Variants in DCC observed in about 807,000 individuals in gnomAD.
The protein encoded by DCC is DCC netrin 1 receptor.
Under a neutral mutation model 172.5 loss-of-function variants are expected in DCC, and 58 were observed. That is an observed-to-expected ratio of 0.34 (90% CI 0.27 to 0.42). The LOEUF is 0.42. DCC is among the 10% of genes least tolerant of loss of function. The pLI is 1.00. For missense variants in DCC, 1,740 were observed against 1,791.0 expected, an observed-to-expected ratio of 0.97 and a Z score of 0.51; for synonymous variants, 709 against 644.5, an observed-to-expected ratio of 1.10 and a Z score of -1.52.
chr18:53,208,895 T>A (rs1216327601), intron 11 of DCC, among the ~76,000 whole-genome samples: 1 of 152,062 alleles, frequency 6.6e-6, no homozygotes, highest in Admixed American at 6.5e-5. Flanking sequence ...CACCCCTGGC[T>A]AGTTTTTGTA....
At chr18:53,195,305 C>T (rs2055427117) in intron 9 of DCC, among the ~76,000 whole-genome samples, 1 of 152,146 alleles carries the variant, frequency 6.6e-6, no homozygotes, top group African/African-American at 2.4e-5. Context: ...TCTGTGAATA[C>T]TTGTACCTAA....
intron 1 of DCC, among the ~76,000 whole-genome samples, chr18:52,549,716 T>C (rs2032711959): frequency 6.6e-6 from 1 of 152,122 alleles, no homozygotes; most frequent in South Asian, 2.1e-4. Flanking sequence ...ACACAGAGTT[T>C]CATCTTTTGC....
At chr18:53,480,339 C>A (rs989351200) in intron 25 of DCC, among the ~76,000 whole-genome samples, 5 of 152,128 alleles carry the variant, frequency 3.3e-5, no homozygotes, top group African/African-American at 1.2e-4. Flanking sequence ...GTGTATAAAC[C>A]ACATTAAAAT....
intron 5 of DCC, among the ~76,000 whole-genome samples, chr18:52,948,165 T>C (rs2040578740): frequency 6.6e-6 from 1 of 152,198 alleles, no homozygotes; most frequent in African/African-American, 2.4e-5. Context: ...AGTGTGCTGT[T>C]CCATGTGATA....
intron 1 of DCC, among the ~76,000 whole-genome samples, chr18:52,503,662 C>A (rs990257417): frequency 6.6e-6 from 1 of 152,112 alleles, no homozygotes; most frequent in African/African-American, 2.4e-5. Context: ...ATGGTAACAT[C>A]TTCTGAGGTG....
rs143599767 is a variant in DCC, at chr18:52,993,471, T to C, written c.985+68101T>C. Among the ~76,000 whole-genome samples, 306 of 152,300 alleles carry C rather than the reference T, an allele frequency of 2.0e-3. 8 individuals carry two copies. The highest frequency in any genetic ancestry group is 7.0e-3 in the African/African-American group (292 of 41,574). On this transcript the variant is annotated intron_variant, in intron 5 of 28. Transcript: ENST00000442544. The stretch of plus-strand genomic sequence containing the variant: ...CCACACTGGTCACCTCTAATATTAA[T>C]GGAATGTCTGTTACCATGAACATTT...
intron 20 of DCC, among the ~76,000 whole-genome samples, chr18:53,411,273 G>A (rs1217607233): frequency 6.6e-6 from 1 of 152,098 alleles, no homozygotes; most frequent in East Asian, 1.9e-4. Context: ...GGGGACAAAT[G>A]GTTTGAAGAG....
At chr18:53,234,153 G>A (rs2056164978) in intron 12 of DCC, among the ~76,000 whole-genome samples, 1 of 152,196 alleles carries the variant, frequency 6.6e-6, no homozygotes, top group African/African-American at 2.4e-5. Flanking sequence ...TGGAGGCTGA[G>A]GCAGGAGAAT....
chr18:53,292,103 T>C (rs1568035013), intron 12 of DCC, among the ~76,000 whole-genome samples: 2 of 128,582 alleles, frequency 1.6e-5, no homozygotes. Flanking sequence ...CTTTTTATTC[T>C]TTGAGCTCCA....
chr18:53,201,456 C>T (rs1207385701), intron 9 of DCC, among the ~76,000 whole-genome samples: 1 of 152,168 alleles, frequency 6.6e-6, no homozygotes, highest in African/African-American at 2.4e-5. Flanking sequence ...GTCATTCAGT[C>T]TCAATGTTCT....
At chr18:52,478,693 A>C (rs1473774977) in intron 1 of DCC, among the ~76,000 whole-genome samples, 1 of 152,218 alleles carries the variant, frequency 6.6e-6, no homozygotes, top group Non-Finnish European at 1.5e-5. Context: ...TAACATAGCC[A>C]CAGCAGGAGC....
chr18:52,351,226 T>A (rs746281149), intron 1 of DCC, among the ~76,000 whole-genome samples: 14 of 152,128 alleles, frequency 9.2e-5, no homozygotes, highest in Non-Finnish European at 2.1e-4. Flanking sequence ...CCAAGATCAG[T>A]GTACCCAGGA....
chr18:52,654,987 A>G (rs117533431), intron 1 of DCC, among the ~76,000 whole-genome samples: 4,611 of 152,324 alleles, frequency 0.03, 96 homozygotes, highest in Non-Finnish European at 0.043. Context: ...TACTACAAAA[A>G]TAAATTTGCC....
chr18:53,052,173 C>G (rs1293682106), intron 5 of DCC, among the ~76,000 whole-genome samples: 1 of 151,816 alleles, frequency 6.6e-6, no homozygotes, highest in African/African-American at 2.4e-5. Context: ...TTGTTTTGGT[C>G]CTTGATTCAT....
chr18:52,749,068 C>A (rs534732565), intron 1 of DCC, among the ~76,000 whole-genome samples: 3 of 151,990 alleles, frequency 2.0e-5, no homozygotes, highest in African/African-American at 7.3e-5. Flanking sequence ...GGTGTGGTGG[C>A]GCATGCCTGT....
intron 1 of DCC, among the ~76,000 whole-genome samples, chr18:52,721,537 A>G (rs1369567526): frequency 1.3e-5 from 2 of 152,184 alleles, no homozygotes; most frequent in Non-Finnish European, 2.9e-5. Context: ...CTCCTAGATA[A>G]TATCTTACCT....
chr18:52,731,427 G>A (rs541261580), intron 1 of DCC, among the ~76,000 whole-genome samples: 1 of 152,344 alleles, frequency 6.6e-6, no homozygotes, highest in East Asian at 1.9e-4. Flanking sequence ...AGGTGGTGTA[G>A]TTAATGGTTA....
chr18:53,208,853 C>A (rs2055700815), intron 11 of DCC, among the ~76,000 whole-genome samples: 1 of 152,172 alleles, frequency 6.6e-6, no homozygotes, highest in Non-Finnish European at 1.5e-5. Context: ...CCCCCAGCCT[C>A]CTGAGTACCT....
intron 1 of DCC, among the ~76,000 whole-genome samples, chr18:52,482,974 C>A (rs760525473): frequency 4.6e-5 from 7 of 152,090 alleles, no homozygotes; most frequent in Non-Finnish European, 8.8e-5. Flanking sequence ...GCTATGGAAA[C>A]CAGCAGTCTC....
Sources: gnomAD v4.1 joint callset for allele counts (sites outside exome capture counted in the v4.1 genomes callset) on GRCh38, gnomAD v4.1.1 for gene constraint, MANE v1.5 for transcripts, NCBI Gene and HGNC (gene_info 2026-07-23, HGNC 2026-07-21) for gene names.